Variants in PHC1 observed in about 807,000 individuals in gnomAD.
The protein encoded by PHC1 is polyhomeotic homolog 1.
In PHC1, 12 loss-of-function variants were observed where a neutral mutation model predicts 104.3. That is an observed-to-expected ratio of 0.12 (90% CI 0.07 to 0.19). The LOEUF is 0.19. Among genes scored for constraint, PHC1 ranks in the 10% least tolerant of loss-of-function variants. The pLI, the probability that PHC1 is intolerant of heterozygous loss-of-function variation, is 1.00. For synonymous variants in PHC1, 302 were observed against 455.8 expected (o/e 0.66, Z 4.30); for missense variants, 671 against 1,200.0 (o/e 0.56, Z 6.51).
Position 8,930,942 on chromosome 12 carries a change from C to T in PHC1, c.1105+15C>T. 6.3e-7 allele frequency: 1 copy of T among 1,595,072 alleles called. No individual in the cohort carries two copies. The highest frequency in any genetic ancestry group is 8.6e-7 in the Non-Finnish European group (1 of 1,167,422). The stretch of plus-strand genomic sequence containing the variant: ...TATTAGCTCAGGTAAATTGTCATTC[C>T]TCATGTCATTATTCTCTCAGAATTC... On this transcript the variant is annotated intron_variant, in intron 7 of 14. Transcript: ENST00000544916.
chr12:8,926,858 T>A (rs1159997044), intron 6 of PHC1, among the ~76,000 whole-genome samples: 1 of 152,030 alleles, frequency 6.6e-6, no homozygotes, highest in Non-Finnish European at 1.5e-5. Context: ...GAGGTTGCAG[T>A]GAGCCGAGAT....
At chr12:8,920,007 G>C in intron 3 of PHC1, 141 bp downstream of exon 3, 3 of 1,309,838 alleles carry the variant, frequency 2.3e-6, no homozygotes, top group Non-Finnish European at 3.2e-6. Flanking sequence ...TCTGTGGGAG[G>C]ATGGATGCAT....
intron 10 of PHC1, 33 bp downstream of exon 10, chr12:8,934,511 G>GTGGGGA: frequency 1.3e-6 from 2 of 1,520,054 alleles, no homozygotes; most frequent in Non-Finnish European, 1.8e-6. Context: ...GGACTTTGAA[G>GTGGGGA]TGGGGACTTG....
rs1178235157 is a variant in PHC1, at chr12:8,937,335, C to T, written c.2628+9C>T. The T allele has an allele frequency of 1.3e-6, 2 of 1,597,898 alleles. No homozygotes were observed. Among genetic ancestry groups the T allele is most frequent in the Non-Finnish European group, 1.7e-6 (2 of 1,172,858 alleles). ...AGGGCAAGTGCCACCGGGTGAGCTG[C>T]TTGTTGTAGAGCCAGATGCCTTTAA... On this transcript the variant is annotated intron_variant, in intron 13 of 14. Coordinates refer to ENST00000544916, the MANE Select transcript of PHC1 (RefSeq NM_004426.3).
chr12:8,926,635 C>T (rs1945519686), intron 6 of PHC1, among the ~76,000 whole-genome samples: 1 of 150,758 alleles, frequency 6.6e-6, no homozygotes, highest in African/African-American at 2.4e-5. Context: ...AAAAGGCCAG[C>T]GCTGTGGCTC....
intron 6 of PHC1, among the ~76,000 whole-genome samples, chr12:8,925,067 A>C (rs1447384628): frequency 6.6e-6 from 1 of 152,162 alleles, no homozygotes; most frequent in Non-Finnish European, 1.5e-5. Flanking sequence ...TTTGAGTGTC[A>C]ATATGTGGAG....
chr12:8,937,167 G>A lies in PHC1; in HGVS notation c.2478-9G>A, dbSNP rs760073335. On this transcript the variant is annotated splice_polypyrimidine_tract_variant and intron_variant, in intron 12 of 14. Coordinates refer to ENST00000544916, the MANE Select transcript of PHC1 (RefSeq NM_004426.3). Reference sequence around the variant, plus strand: ...ACTATTGACATCCTATATATGCCCTGTCCTGTAGGTACAATGTGAGCTGTA... The same window carrying A: ...ACTATTGACATCCTATATATGCCCTATCCTGTAGGTACAATGTGAGCTGTA... 2 of 1,609,686 alleles carry A rather than the reference G, an allele frequency of 1.2e-6. No individual in the cohort carries two copies. Among genetic ancestry groups the A allele is most frequent in the Non-Finnish European group, 8.5e-7 (1 of 1,177,732 alleles).
intron 6 of PHC1, among the ~76,000 whole-genome samples, chr12:8,928,123 G>C (rs763834274): frequency 6.6e-6 from 1 of 151,782 alleles, no homozygotes; most frequent in South Asian, 2.1e-4. Flanking sequence ...GCTCCTGCTG[G>C]TCTGGAACTC....
At chr12:8,937,562 T>C (rs1805769) in intron 13 of PHC1, among the ~76,000 whole-genome samples, 1,662 of 152,278 alleles carry the variant, frequency 0.011, 25 homozygotes, top group African/African-American at 0.037. Flanking sequence ...TTGTTAATTG[T>C]ACTCAATTGT....
At position 8,936,959 on chromosome 12, in the gene PHC1, T is replaced by G. The variant is rs754660615; in HGVS notation, c.2472T>G (p.Ala824=). The change falls in exon 12 of 15, where the codon GCT becomes GCG. Residue 824 remains alanine, a synonymous_variant. Coordinates refer to ENST00000544916, the MANE Select transcript of PHC1 (RefSeq NM_004426.3). ...GSKRFCSMTC[A]KRYNVSCSHQ... ...AGAGGTTCTGCTCCATGACTTGCGCTAAGAGGTACTCTGGGCACCCTCCTC... is the reference window on the plus strand; with the variant it reads ...AGAGGTTCTGCTCCATGACTTGCGCGAAGAGGTACTCTGGGCACCCTCCTC... The G allele has an allele frequency of 6.2e-6, 10 of 1,603,916 alleles. No individual in the cohort carries two copies. The East Asian group carries it at 2.2e-4, about 36-fold the overall frequency.
intron 11 of PHC1, among the ~76,000 whole-genome samples, chr12:8,935,981 C>T (rs762763261): frequency 7.9e-5 from 12 of 152,204 alleles, no homozygotes; most frequent in South Asian, 2.1e-4. Flanking sequence ...GGCTAGTAGT[C>T]GCCAACTCCC....
At chr12:8,918,927 T>C (rs1945279226) in intron 2 of PHC1, among the ~76,000 whole-genome samples, 1 of 152,250 alleles carries the variant, frequency 6.6e-6, no homozygotes, top group South Asian at 2.1e-4. Flanking sequence ...ACCTAGGTTA[T>C]ACAGTATAGG....
chr12:8,920,047 T>A, intron 3 of PHC1, 181 bp downstream of exon 3: 2 of 915,602 alleles, frequency 2.2e-6, no homozygotes, highest in Non-Finnish European at 3.2e-6. Flanking sequence ...GTAAGAACCG[T>A]AAAATCACTT....
intron 7 of PHC1, 47 bp from the exon 8 acceptor site, chr12:8,932,516 T>A (rs1443166953): frequency 1.3e-6 from 2 of 1,586,150 alleles, no homozygotes; most frequent in Non-Finnish European, 1.7e-6. Context: ...TGATTATTAT[T>A]CTCTGCTCTT....
chr12:8,934,335 G>A lies in PHC1; in HGVS notation c.2110G>A (p.Ala704Thr), dbSNP rs144307674. Residue 704 changes from alanine (A) to threonine (T), a missense_variant, in exon 10 of 15, where the codon GCC becomes ACC. Physicochemically the swap from Ala to Thr is moderately conservative, Grantham distance 58. Transcript: ENST00000544916. Reference sequence around the variant, plus strand: ...CAGTGAACTAGTAGCCTTGACCCCCGCCCCTTCAGTACCGCCTCCTACACT... The same window carrying A: ...CAGTGAACTAGTAGCCTTGACCCCCACCCCTTCAGTACCGCCTCCTACACT... ...PSSELVALTP[A>T]PSVPPPTLAM... The A allele has an allele frequency of 3.0e-3, 4,807 of 1,613,916 alleles. 12 individuals are homozygous for A. The highest frequency in any genetic ancestry group is 5.3e-3 in the Admixed American group (320 of 60,000).
chr12:8,930,810 G>C lies in PHC1; in HGVS notation c.988G>C (p.Glu330Gln). ...TVTVSQGSQT[E>Q]AESAAAKKAE... ...GACTGTGAGCCAGGGCAGCCAGACAGAGGCAGAAAGTGCAGCAGCCAAGAA... is the reference window on the plus strand; with the variant it reads ...GACTGTGAGCCAGGGCAGCCAGACACAGGCAGAAAGTGCAGCAGCCAAGAA... Residue 330 changes from glutamate (E) to glutamine (Q), a missense_variant, in exon 7 of 15, where the codon GAG becomes CAG. Physicochemically the swap from Glu to Gln is conservative, Grantham distance 29. This residue lies in a region of PHC1 where 78 missense variants were observed against 140.8 expected (regional missense o/e 0.55). Coordinates refer to ENST00000544916, the MANE Select transcript of PHC1 (RefSeq NM_004426.3). 1 of 1,538,680 alleles carries C rather than the reference G, an allele frequency of 6.5e-7. No individual in the cohort carries two copies. The highest frequency in any genetic ancestry group is 1.2e-5 in the South Asian group (1 of 83,932).
chr12:8,930,534 T>A lies in PHC1; in HGVS notation c.712T>A (p.Ser238Thr). Reference sequence around the variant, plus strand: ...CATTCCTCCAGGAGCCTCCCCTGTCTCTAGCCTCTCCCAGGCCTCTAGCCA... The same window carrying A: ...CATTCCTCCAGGAGCCTCCCCTGTCACTAGCCTCTCCCAGGCCTCTAGCCA... ...KAIPPGASPV[S>T]SLSQASSQAL... Residue 238 changes from serine to threonine, a missense_variant, in exon 7 of 15, where the codon TCT becomes ACT. By Grantham distance (58) the Ser-to-Thr change is moderately conservative. This residue lies in a region of PHC1 where 237 missense variants were observed against 331.1 expected (regional missense o/e 0.72). Coordinates refer to ENST00000544916, the MANE Select transcript of PHC1 (RefSeq NM_004426.3). 6.4e-7 allele frequency: 1 copy of A among 1,559,238 alleles called. No individual in the cohort carries two copies. Among genetic ancestry groups the A allele is most frequent in the Non-Finnish European group, 8.7e-7 (1 of 1,151,760 alleles).
At chr12:8,921,464 G>A (rs1477401789) in intron 4 of PHC1, 137 bp from the exon 5 acceptor site, 3 of 791,188 alleles carry the variant, frequency 3.8e-6, no homozygotes, top group Admixed American at 5.7e-5. Flanking sequence ...TGGATATGAA[G>A]ACATTATTTA....
intron 6 of PHC1, among the ~76,000 whole-genome samples, chr12:8,925,787 G>A (rs1283622269): frequency 2.6e-5 from 4 of 152,114 alleles, no homozygotes; most frequent in African/African-American, 9.7e-5. Flanking sequence ...AAATATGGAA[G>A]TGTCATAGAG....
Sources: allele counts gnomAD v4.1 joint callset (sites outside exome capture counted in the v4.1 genomes callset), GRCh38; gene constraint gnomAD v4.1.1; regional missense constraint gnomAD v4.1.1; transcripts MANE v1.5; gene names NCBI Gene and HGNC (gene_info 2026-07-23, HGNC 2026-07-21).